MRTFA: variants seen among roughly 807,000 people sequenced by gnomAD.
MRTFA encodes myocardin-related transcription factor A.
Under a neutral mutation model 83.5 loss-of-function variants are expected in MRTFA, and 20 were observed. That is an observed-to-expected ratio of 0.24 (90% confidence interval 0.17 to 0.35). The LOEUF is 0.35. Ranked by LOEUF, MRTFA falls within the 10% of genes least tolerant of loss-of-function variation. The pLI, the probability that MRTFA is intolerant of heterozygous loss-of-function variation, is 1.00. For synonymous variants in MRTFA, 659 were observed against 541.2 expected, an observed-to-expected ratio of 1.22 and a Z score of -3.02; for missense variants, 1,200 against 1,224.7, an observed-to-expected ratio of 0.98 and a Z score of 0.30.
intron 3 of MRTFA, among the ~76,000 whole-genome samples, chr22:40,513,086 C>G: frequency 6.6e-6 from 1 of 152,086 alleles, no homozygotes. Context: ...ACTTTCATCC[C>G]ACTACCACCA....
intron 4 of MRTFA, among the ~76,000 whole-genome samples, chr22:40,450,587 C>T (rs1324656732): frequency 1.3e-5 from 2 of 151,702 alleles, no homozygotes; most frequent in Non-Finnish European, 2.9e-5. Flanking sequence ...TCCCAAGTAG[C>T]TGGGATTACA....
At chr22:40,520,215 C>T (rs946491938) in intron 3 of MRTFA, among the ~76,000 whole-genome samples, 1 of 152,120 alleles carries the variant, frequency 6.6e-6, no homozygotes, top group African/African-American at 2.4e-5. Context: ...CTATAAAATT[C>T]AACCATTCAA....
intron 1 of MRTFA, among the ~76,000 whole-genome samples, chr22:40,614,860 A>G (rs1374988426): frequency 6.6e-6 from 1 of 152,194 alleles, no homozygotes; most frequent in Non-Finnish European, 1.5e-5. Context: ...TTGTCATATT[A>G]TTAAATTTTT....
chr22:40,610,633 T>C (rs1040315157), intron 1 of MRTFA, among the ~76,000 whole-genome samples: 1 of 152,174 alleles, frequency 6.6e-6, no homozygotes, highest in Admixed American at 6.5e-5. Context: ...TTATCCATTA[T>C]GGACTCTAAA....
At chr22:40,513,602 C>CAAAAAA (rs111580647) in intron 3 of MRTFA, among the ~76,000 whole-genome samples, 6 of 65,742 alleles carry the variant, frequency 9.1e-5, no homozygotes, top group East Asian at 3.8e-4. Context: ...GACTCCATCT[C>CAAAAAA]AAAAAAAAAA....
Position 40,566,185 on chromosome 22 carries a change from G to A in MRTFA, c.-21-13818C>T, listed in dbSNP as rs115656527. 4.4e-3 allele frequency among the ~76,000 whole-genome samples: 668 copies of A among 152,158 alleles called. 7 individuals are homozygous for A. Among genetic ancestry groups the A allele is most frequent in the African/African-American group, 0.016 (644 of 41,528 alleles). On this transcript the variant is annotated intron_variant, in intron 2 of 14. Coordinates refer to ENST00000355630, the MANE Select transcript of MRTFA (RefSeq NM_020831.6). ...TACATAAACAACTGGATGCCACTGG[G>A]AGGTTTTACACAATGGAGTGATATG...
chr22:40,622,980 A>C lies in MRTFA; in HGVS notation c.-84+13498T>G, dbSNP rs148291594. 1.8e-4 allele frequency among the ~76,000 whole-genome samples: 28 copies of C among 152,310 alleles called. No individual in the cohort carries two copies. The East Asian group carries it at 5.4e-3, about 29-fold the overall frequency. ...GATGAACTGGATTCTATAAAGTGAG[A>C]AAGAGAAGATGACTCCAAGATTCTT... On this transcript the variant is annotated intron_variant, in intron 1 of 14. Transcript: ENST00000355630.
At chr22:40,461,882 C>A (rs1195084402) in intron 4 of MRTFA, among the ~76,000 whole-genome samples, 2 of 152,160 alleles carry the variant, frequency 1.3e-5, no homozygotes, top group Non-Finnish European at 2.9e-5. Flanking sequence ...CCCACCTTAC[C>A]CATCTTCACT....
At position 40,615,699 on chromosome 22, in the gene MRTFA, T is replaced by C. The variant is rs550546013; in HGVS notation, c.-84+20779A>G. On this transcript the variant is annotated intron_variant, in intron 1 of 14. Transcript: ENST00000355630. Reference sequence around the variant, plus strand: ...ATATTTTCTTTTCTTTTTTTTTTTTTTCTCTTTTGAGACAGGGTTCTGTCA... The same window carrying C: ...ATATTTTCTTTTCTTTTTTTTTTTTCTCTCTTTTGAGACAGGGTTCTGTCA... Among the ~76,000 whole-genome samples, 12 of 151,876 alleles carry C rather than the reference T, an allele frequency of 7.9e-5. No individual in the cohort carries two copies. The East Asian group carries it at 2.1e-3, about 27-fold the overall frequency.
chr22:40,478,432 G>A (rs148022459), intron 3 of MRTFA, among the ~76,000 whole-genome samples: 13 of 152,234 alleles, frequency 8.5e-5, no homozygotes, highest in Middle Eastern at 3.4e-3. Flanking sequence ...TACTATCTTT[G>A]TAACTTTCTT....
At chr22:40,421,236 T>G (rs2052832635) in intron 9 of MRTFA, 136 bp from the exon 10 acceptor site, 2 of 1,001,530 alleles carry the variant, frequency 2.0e-6, no homozygotes, top group Admixed American at 3.0e-5. Flanking sequence ...CACTCTTCCC[T>G]GTGGGACCGT....
At chr22:40,489,063 A>C (rs1182800289) in intron 3 of MRTFA, among the ~76,000 whole-genome samples, 2 of 152,166 alleles carry the variant, frequency 1.3e-5, no homozygotes, top group Admixed American at 1.3e-4. Context: ...TGCAGATGTG[A>C]TTGATGCCAA....
chr22:40,564,255 T>G (rs1054676918), intron 2 of MRTFA, among the ~76,000 whole-genome samples: 1 of 152,208 alleles, frequency 6.6e-6, no homozygotes, highest in Non-Finnish European at 1.5e-5. Context: ...TTTTGCATGT[T>G]GGGTCGAGGG....
intron 3 of MRTFA, among the ~76,000 whole-genome samples, chr22:40,519,800 T>C (rs753876248): frequency 1.3e-5 from 2 of 152,192 alleles, no homozygotes; most frequent in African/African-American, 2.4e-5. Context: ...GGAAACTGGA[T>C]AGAAACTAGC....
rs535732141 is a variant in MRTFA at position 40,530,590 on chromosome 22, C to A, written c.241+21516G>T. ...GGGATTACAGGCGTGCGCCACCGCGCCCGGCCCCATAATGTCCATCTTAGA... is the reference window on the plus strand; with the variant it reads ...GGGATTACAGGCGTGCGCCACCGCGACCGGCCCCATAATGTCCATCTTAGA... On this transcript the variant is annotated intron_variant, in intron 3 of 14. Transcript: ENST00000355630. 6.6e-5 allele frequency among the ~76,000 whole-genome samples: 10 copies of A among 152,376 alleles called. No individual in the cohort carries two copies. The East Asian group carries it at 1.5e-3, about 24-fold the overall frequency.
chr22:40,575,826 T>C lies in MRTFA; in HGVS notation c.-22+18848A>G, dbSNP rs1602451118. On this transcript the variant is annotated intron_variant, in intron 2 of 14. Coordinates refer to ENST00000355630, the MANE Select transcript of MRTFA (RefSeq NM_020831.6). ...CAATTATTTTTTTGCCAACCTAATA[T>C]TTATCCCGATGAGTATAACAACAAC... 4.6e-5 allele frequency among the ~76,000 whole-genome samples: 7 copies of C among 152,278 alleles called. No individual in the cohort carries two copies. In the East Asian group the frequency reaches 1.3e-3, roughly 29 times the overall value.
intron 2 of MRTFA, among the ~76,000 whole-genome samples, chr22:40,552,933 A>C (rs2055464960): frequency 6.6e-6 from 1 of 152,244 alleles, no homozygotes; most frequent in Admixed American, 6.5e-5. Context: ...AGACCTGTTG[A>C]ATGCCTTTGA....
intron 3 of MRTFA, among the ~76,000 whole-genome samples, chr22:40,527,526 G>A (rs2054997900): frequency 6.6e-6 from 1 of 152,010 alleles, no homozygotes; most frequent in Non-Finnish European, 1.5e-5. Context: ...GGGAGGCTGA[G>A]GTGGGCAGAT....
intron 3 of MRTFA, among the ~76,000 whole-genome samples, chr22:40,538,992 T>G (rs1479361223): frequency 1.1e-5 from 1 of 90,336 alleles, no homozygotes; most frequent in Non-Finnish European, 2.5e-5. Flanking sequence ...AGCCTTTTGT[T>G]TTTTTTTTTT....
Sources: allele counts gnomAD v4.1 joint callset (sites outside exome capture counted in the v4.1 genomes callset), GRCh38; gene constraint gnomAD v4.1.1; transcripts MANE v1.5; gene names NCBI Gene and HGNC (gene_info 2026-07-23, HGNC 2026-07-21).